The following ATE1 variants were observed in gnomAD, a reference collection of about 807,000 sequenced individuals.
ATE1 encodes the protein arginyl-tRNA--protein transferase 1.
In ATE1, 36 loss-of-function variants were observed where a neutral mutation model predicts 70.5. That is an observed-to-expected ratio of 0.51 (90% CI 0.39 to 0.67). The LOEUF is 0.67. Among genes scored for constraint, ATE1 ranks in the 30% least tolerant of loss-of-function variants. ATE1 has a pLI of 0.00. For synonymous variants in ATE1, 232 were observed against 219.3 expected, an observed-to-expected ratio of 1.06 and a Z score of -0.51; for missense variants, 593 against 629.5, an observed-to-expected ratio of 0.94 and a Z score of 0.62.
At chr10:121,846,125 CAA>C (rs34029723) in intron 8 of ATE1, among the ~76,000 whole-genome samples, 1 of 57,534 alleles carries the variant, frequency 1.7e-5, no homozygotes, top group Non-Finnish European at 4.6e-5. Context: ...TAGCACTATT[CAA>C]AAAAAAAAAA....
intron 11 of ATE1, among the ~76,000 whole-genome samples, chr10:121,748,446 T>C (rs1590202659): frequency 6.7e-6 from 1 of 150,048 alleles, no homozygotes; most frequent in South Asian, 2.1e-4. Flanking sequence ...TGAGATCACA[T>C]GAAAAAGCTA....
At chr10:121,881,401 T>C (rs1473015185) in intron 7 of ATE1, among the ~76,000 whole-genome samples, 1 of 152,184 alleles carries the variant, frequency 6.6e-6, no homozygotes, top group Non-Finnish European at 1.5e-5. Flanking sequence ...GATCTGCTCC[T>C]GTATGAACAA....
chr10:121,920,919 A>T (rs575835276), intron 3 of ATE1, among the ~76,000 whole-genome samples: 16 of 151,904 alleles, frequency 1.1e-4, no homozygotes, highest in South Asian at 1.0e-3. Context: ...ACTTGAACCC[A>T]GGAGGCAGAG....
At chr10:121,912,486 C>T (rs1320024512) in intron 4 of ATE1, among the ~76,000 whole-genome samples, 1 of 151,408 alleles carries the variant, frequency 6.6e-6, no homozygotes, top group Non-Finnish European at 1.5e-5. Context: ...CCCGTTTCTA[C>T]TAAAAATACA....
intron 11 of ATE1, among the ~76,000 whole-genome samples, chr10:121,768,605 T>G (rs1279446850): frequency 6.6e-6 from 1 of 152,170 alleles, no homozygotes; most frequent in African/African-American, 2.4e-5. Context: ...AACGACCTGC[T>G]GTGACTCTAA....
chr10:121,905,536 A>T (rs913977960), intron 5 of ATE1, among the ~76,000 whole-genome samples: 2 of 152,136 alleles, frequency 1.3e-5, no homozygotes, highest in Non-Finnish European at 2.9e-5. Flanking sequence ...ATACTACGTT[A>T]CTACAGTGGA....
chr10:121,827,789 G>A (rs1948085677), intron 10 of ATE1, among the ~76,000 whole-genome samples: 1 of 152,228 alleles, frequency 6.6e-6, no homozygotes, highest in South Asian at 2.1e-4. Context: ...GTAATGTAAT[G>A]TAATGACTAC....
At chr10:121,810,328 T>C (rs1367755282) in intron 10 of ATE1, among the ~76,000 whole-genome samples, 1 of 152,172 alleles carries the variant, frequency 6.6e-6, no homozygotes, top group East Asian at 1.9e-4. Context: ...TGGAGTGCAG[T>C]GGCACAATCT....
intron 7 of ATE1, among the ~76,000 whole-genome samples, chr10:121,886,254 C>CA (rs1248164370): frequency 2.0e-5 from 3 of 147,116 alleles, no homozygotes; most frequent in East Asian, 2.0e-4. Context: ...CCTGCTTCTA[C>CA]AAAAAATAAA....
At chr10:121,794,904 A>G (rs564166444) in intron 10 of ATE1, among the ~76,000 whole-genome samples, 2 of 152,276 alleles carry the variant, frequency 1.3e-5, no homozygotes, top group African/African-American at 4.8e-5. Flanking sequence ...AGATTCATCA[A>G]CAGCCACCTG....
At chr10:121,861,776 T>C (rs1590542920) in intron 8 of ATE1, among the ~76,000 whole-genome samples, 1 of 150,168 alleles carries the variant, frequency 6.7e-6, no homozygotes, top group Non-Finnish European at 1.5e-5. Flanking sequence ...GATATATGGC[T>C]GCAACTTACA....
chr10:121,798,516 A>G (rs1408252010), intron 10 of ATE1, among the ~76,000 whole-genome samples: 3 of 152,242 alleles, frequency 2.0e-5, no homozygotes, highest in African/African-American at 4.8e-5. Context: ...AACAAAGACA[A>G]TAATTACTTC....
chr10:121,825,904 A>G (rs1947987930), intron 10 of ATE1, among the ~76,000 whole-genome samples: 1 of 152,268 alleles, frequency 6.6e-6, no homozygotes, highest in African/African-American at 2.4e-5. Flanking sequence ...ATTCATTAAC[A>G]GCCCAGGGAT....
At chr10:121,775,910 C>T (rs528903758) in intron 11 of ATE1, among the ~76,000 whole-genome samples, 1 of 152,322 alleles carries the variant, frequency 6.6e-6, no homozygotes, top group African/African-American at 2.4e-5. Flanking sequence ...ATAGGTCCTT[C>T]CAGTGACAAG....
intron 10 of ATE1, among the ~76,000 whole-genome samples, chr10:121,795,116 T>C (rs550807813): frequency 2.6e-5 from 4 of 152,204 alleles, no homozygotes; most frequent in East Asian, 1.9e-4. Context: ...GGCATGGTGA[T>C]ACGTGCCTAT....
chr10:121,802,321 T>A (rs1946917567), intron 10 of ATE1, among the ~76,000 whole-genome samples: 1 of 151,840 alleles, frequency 6.6e-6, no homozygotes, highest in South Asian at 2.1e-4. Flanking sequence ...CCACTTTTTT[T>A]TTTTTTTAAG....
chr10:121,833,610 T>C (rs1057475944), intron 10 of ATE1, among the ~76,000 whole-genome samples: 1 of 151,310 alleles, frequency 6.6e-6, no homozygotes, highest in Admixed American at 6.6e-5. Flanking sequence ...AGATGGGGAA[T>C]TTGCAAGCTT....
intron 7 of ATE1, among the ~76,000 whole-genome samples, chr10:121,878,140 A>G (rs1419411747): frequency 1.3e-5 from 2 of 152,220 alleles, no homozygotes; most frequent in Admixed American, 1.3e-4. Flanking sequence ...TGATAAATTT[A>G]TATGAAGCTA....
At chr10:121,919,275 G>A (rs1238280618) in intron 3 of ATE1, among the ~76,000 whole-genome samples, 1 of 152,132 alleles carries the variant, frequency 6.6e-6, no homozygotes, top group African/African-American at 2.4e-5. Context: ...GCGAGACCAA[G>A]AACCCACCAG....
Sources: gnomAD v4.1 joint callset for allele counts (sites outside exome capture counted in the v4.1 genomes callset) on GRCh38, gnomAD v4.1.1 for gene constraint, MANE v1.5 for transcripts, NCBI Gene and HGNC (gene_info 2026-07-23, HGNC 2026-07-21) for gene names.